The following EEPD1 variants were observed in gnomAD, a reference collection of about 807,000 sequenced individuals.
EEPD1 encodes endonuclease/exonuclease/phosphatase family domain-containing protein 1.
Under a neutral mutation model 46.3 loss-of-function variants are expected in EEPD1, and 17 were observed. The observed-to-expected ratio is 0.37, with a 90% confidence interval of 0.25 to 0.55. EEPD1 has a LOEUF of 0.55. Among genes scored for constraint, EEPD1 ranks in the 20% least tolerant of loss-of-function variants. The pLI is 0.83. For synonymous variants in EEPD1, 313 were observed against 315.6 expected (o/e 0.99, Z 0.09); for missense variants, 673 against 745.6 (o/e 0.90, Z 1.13).
intron 3 of EEPD1, among the ~76,000 whole-genome samples, chr7:36,264,566 A>C (rs1053028195): frequency 1.3e-5 from 2 of 152,194 alleles, no homozygotes; most frequent in Non-Finnish European, 2.9e-5. Flanking sequence ...GGCCTGCAGG[A>C]CACTGTCATG....
In EEPD1 at chr7:36,168,465, G is replaced by A. The variant is rs982917466; in HGVS notation, c.878+13263G>A. Reference sequence around the variant, plus strand: ...AATGGGGCCAAAAGATTAAGAAAGGGGACAGTTGGCCGGGCACGGTGGCTC... The same window carrying A: ...AATGGGGCCAAAAGATTAAGAAAGGAGACAGTTGGCCGGGCACGGTGGCTC... On this transcript the variant is annotated intron_variant, in intron 2 of 7. Transcript: ENST00000242108. 1.1e-4 allele frequency among the ~76,000 whole-genome samples: 17 copies of A among 152,158 alleles called. 1 individual carries two copies. Among genetic ancestry groups the A allele is most frequent in the Admixed American group, 2.0e-4 (3 of 15,278 alleles).
rs1360589383 is a variant in EEPD1, at chr7:36,301,488, T to C, written c.*2282T>C. On this transcript the variant is annotated 3_prime_UTR_variant, in exon 8 of 8. Coordinates refer to ENST00000242108, the MANE Select transcript of EEPD1 (RefSeq NM_030636.3). ...ACAACTGATGAACTTGTATTCATTA[T>C]TAGCTACAGTGTTCATAGTTTATAT... 1 of 152,276 alleles carries C rather than the reference T, an allele frequency of 6.6e-6. No homozygotes were observed. The highest frequency in any genetic ancestry group is 2.4e-5 in the African/African-American group (1 of 41,472). The allele number at this position is 152,276 out of a possible 1,614,324, so 9.4% of individuals were successfully genotyped here.
At chr7:36,179,248 A>G (rs532294401) in intron 2 of EEPD1, among the ~76,000 whole-genome samples, 1 of 152,312 alleles carries the variant, frequency 6.6e-6, no homozygotes, top group South Asian at 2.1e-4. Flanking sequence ...GGTGGTTCCC[A>G]CAACTTCTAT....
At chr7:36,177,523 G>T (rs1258097340) in intron 2 of EEPD1, among the ~76,000 whole-genome samples, 1 of 152,112 alleles carries the variant, frequency 6.6e-6, no homozygotes, top group Non-Finnish European at 1.5e-5. Context: ...GGAGTATTTG[G>T]TTTCTGTTCC....
chr7:36,210,527 C>T (rs185365565), intron 2 of EEPD1, among the ~76,000 whole-genome samples: 22 of 152,284 alleles, frequency 1.4e-4, no homozygotes, highest in African/African-American at 5.3e-4. Flanking sequence ...CTTTTTAAAA[C>T]ATGAATCAAA....
intron 3 of EEPD1, 126 bp downstream of exon 3, chr7:36,239,162 T>C: frequency 1.1e-6 from 1 of 931,518 alleles, no homozygotes; most frequent in Non-Finnish European, 1.7e-6. Flanking sequence ...TTTGTATTCC[T>C]GACAGCGAAT....
chr7:36,272,175 C>T (rs938966330), intron 3 of EEPD1, among the ~76,000 whole-genome samples: 5 of 143,860 alleles, frequency 3.5e-5, no homozygotes, highest in South Asian at 2.3e-4. Context: ...GAACCACCAC[C>T]CCCTGCCATT....
chr7:36,181,078 A>C (rs1785263144), intron 2 of EEPD1, among the ~76,000 whole-genome samples: 1 of 152,148 alleles, frequency 6.6e-6, no homozygotes. Flanking sequence ...CATTGTAGGT[A>C]GCCTGGAGAA....
At chr7:36,272,196 TA>T (rs55929032) in intron 3 of EEPD1, among the ~76,000 whole-genome samples, 81,711 of 149,516 alleles carry the variant, frequency 0.55, 22,379 homozygotes, top group South Asian at 0.59. Context: ...AATTTAAAGA[TA>T]AAAAAAAAAG....
chr7:36,165,729 G>A (rs1366197390), intron 2 of EEPD1, among the ~76,000 whole-genome samples: 1 of 151,914 alleles, frequency 6.6e-6, no homozygotes, highest in Non-Finnish European at 1.5e-5. Flanking sequence ...GAGCCACCAT[G>A]CCCGGCCCTA....
chr7:36,229,923 T>C (rs1258755454), intron 2 of EEPD1, among the ~76,000 whole-genome samples: 1 of 152,032 alleles, frequency 6.6e-6, no homozygotes, highest in Non-Finnish European at 1.5e-5. Flanking sequence ...CTCCCGCTCC[T>C]GATGTCCAAA....
chr7:36,192,877 G>A (rs990102154), intron 2 of EEPD1, among the ~76,000 whole-genome samples: 3 of 152,232 alleles, frequency 2.0e-5, no homozygotes, highest in Non-Finnish European at 2.9e-5. Flanking sequence ...AGCCTGGTTG[G>A]GCTGCATGTT....
chr7:36,243,071 C>T lies in EEPD1; in HGVS notation c.930+4035C>T, dbSNP rs142314727. On this transcript the variant is annotated intron_variant, in intron 3 of 7. Transcript: ENST00000242108. The stretch of plus-strand genomic sequence containing the variant: ...TTGTCAAATATAGAACTGCGCTACT[C>T]GAAGTGTGGCCCACAGACCTGCAGC... Among the ~76,000 whole-genome samples, 715 of 152,294 alleles carry T rather than the reference C, an allele frequency of 4.7e-3. 4 individuals are homozygous for T. The highest frequency in any genetic ancestry group is 0.011 in the East Asian group (56 of 5,178).
At chr7:36,199,659 C>T (rs989993084) in intron 2 of EEPD1, among the ~76,000 whole-genome samples, 5 of 152,188 alleles carry the variant, frequency 3.3e-5, no homozygotes, top group Admixed American at 1.3e-4. Flanking sequence ...ACAGCATCCT[C>T]TCTGAGTCTC....
chr7:36,201,554 A>C (rs1051778572), intron 2 of EEPD1, among the ~76,000 whole-genome samples: 1 of 152,158 alleles, frequency 6.6e-6, no homozygotes, highest in African/African-American at 2.4e-5. Context: ...CTGATCTGCA[A>C]CCGGGGATGA....
At chr7:36,189,774 C>T (rs757194094) in intron 2 of EEPD1, among the ~76,000 whole-genome samples, 3 of 152,184 alleles carry the variant, frequency 2.0e-5, no homozygotes, top group African/African-American at 4.8e-5. Flanking sequence ...TGGTTCAGTT[C>T]CTTTGTCTGA....
At chr7:36,214,580 T>C (rs897485718) in intron 2 of EEPD1, among the ~76,000 whole-genome samples, 3 of 152,182 alleles carry the variant, frequency 2.0e-5, no homozygotes, top group Non-Finnish European at 2.9e-5. Context: ...TGGGAACTTG[T>C]TGGAAATGCA....
rs527797536 is a variant in EEPD1, at chr7:36,161,233, G to C, written c.878+6031G>C. Among the ~76,000 whole-genome samples, 4 of 152,316 alleles carry C rather than the reference G, an allele frequency of 2.6e-5. No homozygotes were observed. In the East Asian group the frequency reaches 7.7e-4, roughly 29 times the overall value. On this transcript the variant is annotated intron_variant, in intron 2 of 7. Transcript: ENST00000242108. ...TGCTTACTACCTGATGAGGTCAGAG[G>C]CATGGGCGCAGGAAGACCCCACTTT...
intron 2 of EEPD1, among the ~76,000 whole-genome samples, chr7:36,224,101 G>C (rs1199485413): frequency 2.6e-5 from 4 of 152,192 alleles, no homozygotes. Context: ...TGGAGCCTCA[G>C]ATCTTAAATT....
Sources: allele counts gnomAD v4.1 joint callset (sites outside exome capture counted in the v4.1 genomes callset), GRCh38; gene constraint gnomAD v4.1.1; transcripts MANE v1.5; gene names NCBI Gene and HGNC (gene_info 2026-07-23, HGNC 2026-07-21).